FURIN: variants seen among roughly 807,000 people sequenced by gnomAD.
FURIN encodes FES upstream region.
Under a neutral mutation model 89.2 loss-of-function variants are expected in FURIN, and 18 were observed. The ratio of observed to expected loss-of-function variants is 0.20; its 90% CI spans 0.14 to 0.30. FURIN has a LOEUF of 0.30. Ranked by LOEUF, FURIN falls within the 10% of genes least tolerant of loss-of-function variation. The pLI is 1.00. For synonymous variants in FURIN, 508 were observed against 466.4 expected (o/e 1.09, Z -1.15); for missense variants, 879 against 1,100.5 (o/e 0.80, Z 2.85).
chr15:90,868,635 T>C lies in FURIN; in HGVS notation c.-236T>C, dbSNP rs997768557. ...CCCTGTGAAGGGATAGGAGCCTGAC[T>C]GTTGCAGCTGCAGTGAGTGGCGGGG... On this transcript the variant is annotated 5_prime_UTR_variant, in exon 1 of 16. Coordinates refer to ENST00000268171, the MANE Select transcript of FURIN (RefSeq NM_002569.4). 1 of 152,240 alleles carries C rather than the reference T, an allele frequency of 6.6e-6. No homozygotes were observed. Among genetic ancestry groups the C allele is most frequent in the African/African-American group, 2.4e-5 (1 of 41,460 alleles). The allele number at this position is 152,240 out of a possible 1,614,324, so 9.4% of individuals were successfully genotyped here.
rs753193139 is a variant in FURIN at position 90,876,261 on chromosome 15, G to A, written c.184G>A (p.Gly62Arg). 13 of 1,603,298 alleles carry A rather than the reference G, an allele frequency of 8.1e-6. No individual in the cohort carries two copies. Among genetic ancestry groups the A allele is most frequent in the East Asian group, 2.2e-5 (1 of 44,852 alleles). ...TCTCCCTGCTCTATTGCAGATCTTCGGGGACTATTACCACTTCTGGCATCG... is the reference window on the plus strand; with the variant it reads ...TCTCCCTGCTCTATTGCAGATCTTCAGGGACTATTACCACTTCTGGCATCG... The part of the protein sequence containing the change: ...HGFLNLGQIF[G>R]DYYHFWHRGV... Residue 62 changes from glycine (G) to arginine (R), a missense_variant, in exon 3 of 16, where the codon GGG becomes AGG. Gly to Arg is a moderately radical substitution (Grantham distance 125, BLOSUM62 -2). Around this residue, in one of 5 missense-constraint regions of FURIN, gnomAD observed 125 missense variants for 125.0 expected, o/e 1.00. Coordinates refer to ENST00000268171, the MANE Select transcript of FURIN (RefSeq NM_002569.4). The surrounding 1 kb of genome is among the most constrained non-coding windows in gnomAD (Gnocchi z 5.0).
intron 1 of FURIN, among the ~76,000 whole-genome samples, chr15:90,870,458 A>G (rs2031231432): frequency 6.6e-6 from 1 of 152,024 alleles, no homozygotes; most frequent in African/African-American, 2.4e-5. Context: ...GGCTCATAGA[A>G]AACACTCAGT....
Position 90,882,032 on chromosome 15 carries a change from C to T in FURIN, c.*154C>T. On this transcript the variant is annotated 3_prime_UTR_variant, in exon 16 of 16. Coordinates refer to ENST00000268171, the MANE Select transcript of FURIN (RefSeq NM_002569.4). ...CATCCTACCCTCGGGCCCACCTGGCCACCTGAGGTGGGCCCAGGACCAGCT... is the reference window on the plus strand; with the variant it reads ...CATCCTACCCTCGGGCCCACCTGGCTACCTGAGGTGGGCCCAGGACCAGCT... 1.6e-6 allele frequency: 1 copy of T among 627,996 alleles called. No homozygotes were observed. Among genetic ancestry groups the T allele is most frequent in the South Asian group, 2.0e-5 (1 of 50,746 alleles). 38.9% of individuals were successfully genotyped at this position (627,996 alleles called of 1,614,324 possible).
At chr15:90,874,194 T>G (rs1388807947) in intron 1 of FURIN, among the ~76,000 whole-genome samples, 1 of 152,234 alleles carries the variant, frequency 6.6e-6, no homozygotes, top group Non-Finnish European at 1.5e-5. Flanking sequence ...AGGGGCACTA[T>G]GTGGGGACAG....
At chr15:90,878,058 G>A (rs1231403456) in intron 7 of FURIN, 74 bp from the exon 8 acceptor site, 1 of 1,467,892 alleles carries the variant, frequency 6.8e-7, no homozygotes, top group Non-Finnish European at 9.5e-7. Flanking sequence ...AGGGCTGGGT[G>A]TGCTCCTTGG....
chr15:90,878,103 C>A (rs779215167), intron 7 of FURIN, 29 bp from the exon 8 acceptor site: 3 of 1,611,640 alleles, frequency 1.9e-6, no homozygotes, highest in South Asian at 2.2e-5. Context: ...CATGCAGCAT[C>A]CCTCTTCGTG....
rs1417977309 is a variant in FURIN, at chr15:90,880,688, C to T, written c.1557-3C>T. On this transcript the variant is annotated splice_polypyrimidine_tract_variant and splice_region_variant and intron_variant, in intron 13 of 15. Coordinates refer to ENST00000268171, the MANE Select transcript of FURIN (RefSeq NM_002569.4). ...TCAGGGCTGTGTGCACTCCCCTCCC[C>T]AGGCCACATGACTACTCCGCAGATG... 5 of 1,611,718 alleles carry T rather than the reference C, an allele frequency of 3.1e-6. No homozygotes were observed. The highest frequency in any genetic ancestry group is 4.2e-6 in the Non-Finnish European group (5 of 1,178,766).
chr15:90,873,681 C>T (rs2031447774), intron 1 of FURIN, among the ~76,000 whole-genome samples: 1 of 152,128 alleles, frequency 6.6e-6, no homozygotes, highest in Non-Finnish European at 1.5e-5. Context: ...CGCCTAGCTG[C>T]CCAGCCATTG....
rs369507279 is a variant in FURIN, at chr15:90,878,771, G to T, written c.848G>T (p.Gly283Val). The T allele has an allele frequency of 2.6e-5, 41 of 1,601,662 alleles. No homozygotes were observed. The African/African-American group carries it at 4.0e-4, about 16-fold the overall frequency. The change falls in exon 9 of 16, where the codon GGG becomes GTG. Residue 283 changes from glycine (G) to valine (V), a missense_variant. Physicochemically the swap from Gly to Val is moderately radical, Grantham distance 109. Transcript: ENST00000268171. ...AFFRGVSQGR[G>V]GLGSIFVWAS... ...AGCCCACTCTGTCCACAGGGCCGAG[G>T]GGGGCTGGGCTCCATCTTTGTCTGG... is the stretch of plus-strand genomic sequence containing the variant.
At position 90,882,415 on chromosome 15, in the gene FURIN, G is replaced by A. The variant is rs959256272; in HGVS notation, c.*537G>A. ...CAAGGCAAGGCAGGTGCCTCCAGGT[G>A]TGCACGTGGCATGTGGCCTGTGGCC... On this transcript the variant is annotated 3_prime_UTR_variant, in exon 16 of 16. Transcript: ENST00000268171. 4 of 161,208 alleles carry A rather than the reference G, an allele frequency of 2.5e-5. No homozygotes were observed. The highest frequency in any genetic ancestry group is 4.1e-5 in the Non-Finnish European group (3 of 72,996). 10.0% of individuals were successfully genotyped at this position (161,208 alleles called of 1,614,324 possible). A position where few individuals can be genotyped will look rare whatever the true frequency, so the allele number is the denominator to read the frequency against.
chr15:90,875,473 A>T (rs2031559463), intron 1 of FURIN, 109 bp from the exon 2 acceptor site: 3 of 384,678 alleles, frequency 7.8e-6, no homozygotes, highest in South Asian at 1.4e-4. Flanking sequence ...CTTCTCCCCC[A>T]GATCTCATTT....
At position 90,880,694 on chromosome 15, in the gene FURIN, A is replaced by G; in HGVS notation, c.1560A>G (p.Pro520=). The G allele has an allele frequency of 1.2e-6, 2 of 1,612,966 alleles. No homozygotes were observed. Among genetic ancestry groups the G allele is most frequent in the South Asian group, 2.2e-5 (2 of 90,904 alleles). ...GTRSTLLAAR[P]HDYSADGFND... ...CTGTGTGCACTCCCCTCCCCAGGCC[A>G]CATGACTACTCCGCAGATGGGTTTA... Residue 520 remains proline, a synonymous_variant, in exon 14 of 16, where the codon CCA becomes CCG. Coordinates refer to ENST00000268171, the MANE Select transcript of FURIN (RefSeq NM_002569.4).
At position 90,876,384 on chromosome 15, in the gene FURIN, CA is replaced by C. The variant is rs778599644; in HGVS notation, c.276+32del. The C allele has an allele frequency of 7.2e-6, 11 of 1,536,026 alleles. No homozygotes were observed. Among genetic ancestry groups the C allele is most frequent in the Non-Finnish European group, 9.0e-6 (10 of 1,109,248 alleles). On this transcript the variant is annotated intron_variant, in intron 3 of 15. Coordinates refer to ENST00000268171, the MANE Select transcript of FURIN (RefSeq NM_002569.4). The surrounding 1 kb of genome is among the most constrained non-coding windows in gnomAD (Gnocchi z 5.0). ...TGTGGCCCCAGCCCCCTCCTGCTGC[CA>C]CCCTCCCCCTCCTGCTCTCAGGAGC...
chr15:90,877,213 TAAG>T lies in FURIN; in HGVS notation c.578+6_578+8del. The T allele has an allele frequency of 1.2e-6, 2 of 1,602,704 alleles. No individual in the cohort carries two copies. The highest frequency in any genetic ancestry group is 2.2e-5 in the South Asian group (2 of 89,504). Reference sequence around the variant, plus strand: ...GTACACACAGATGAATGACAACAGGTAAGAAGTGGCAGGCCCCGGTCTCTGCCT... The same window carrying T: ...GTACACACAGATGAATGACAACAGGTAAGTGGCAGGCCCCGGTCTCTGCCT... On this transcript the variant is annotated splice_donor_5th_base_variant and intron_variant, in intron 6 of 15. Coordinates refer to ENST00000268171, the MANE Select transcript of FURIN (RefSeq NM_002569.4).
At chr15:90,871,989 TG>T (rs1314805079) in intron 1 of FURIN, among the ~76,000 whole-genome samples, 7 of 151,086 alleles carry the variant, frequency 4.6e-5, no homozygotes, top group Admixed American at 3.9e-4. Flanking sequence ...GGGCCCCTGC[TG>T]GGGGCGGGAT....
rs574808270 is a variant in FURIN at position 90,878,996 on chromosome 15, G to C, written c.1053+20G>C. ...CAGATCGTGAGTCTTACCTGGGGGTGGGGGCTGGGGAGATGGGGCTGCTGG... is the reference window on the plus strand; with the variant it reads ...CAGATCGTGAGTCTTACCTGGGGGTCGGGGCTGGGGAGATGGGGCTGCTGG... On this transcript the variant is annotated intron_variant, in intron 9 of 15. Transcript: ENST00000268171. 1 of 1,472,100 alleles carries C rather than the reference G, an allele frequency of 6.8e-7. No individual in the cohort carries two copies. The highest frequency in any genetic ancestry group is 2.5e-5 in the East Asian group (1 of 40,762). 91.2% of individuals were successfully genotyped at this position (1,472,100 alleles called of 1,614,324 possible).
chr15:90,874,572 A>G (rs2031503146), intron 1 of FURIN, among the ~76,000 whole-genome samples: 1 of 152,226 alleles, frequency 6.6e-6, no homozygotes, highest in African/African-American at 2.4e-5. Flanking sequence ...CATCCCATTT[A>G]GGGTCACCCA....
At chr15:90,880,393 G>T in intron 13 of FURIN, 120 bp downstream of exon 13, 1 of 831,624 alleles carries the variant, frequency 1.2e-6, no homozygotes, top group Non-Finnish European at 1.8e-6. Flanking sequence ...GGGCACTCTT[G>T]GCATTTTGGG....
chr15:90,872,244 C>T (rs763414316), intron 1 of FURIN, among the ~76,000 whole-genome samples: 2 of 152,020 alleles, frequency 1.3e-5, no homozygotes, highest in Non-Finnish European at 2.9e-5. Flanking sequence ...CCTGGGCTGC[C>T]TTCTGCCGCG....
Sources: allele counts gnomAD v4.1 joint callset (sites outside exome capture counted in the v4.1 genomes callset), GRCh38; gene constraint gnomAD v4.1.1; regional missense constraint gnomAD v4.1.1; non-coding constraint Gnocchi (gnomAD v3.1); transcripts MANE v1.5; gene names NCBI Gene and HGNC (gene_info 2026-07-23, HGNC 2026-07-21).